Variants in PCDHA5 observed in about 807,000 individuals in gnomAD.
PCDHA5 encodes protocadherin alpha 5, also known as protocadherin alpha-5.
In PCDHA5, 43 loss-of-function variants were observed where a neutral mutation model predicts 61.6. The ratio of observed to expected loss-of-function variants is 0.70; its 90% CI spans 0.55 to 0.90. PCDHA5 has a LOEUF of 0.90. PCDHA5 is among the 40% of genes least tolerant of loss of function. The pLI is 0.00. For missense variants in PCDHA5, 1,298 were observed against 1,222.7 expected (o/e 1.06, Z -0.92); for synonymous variants, 627 against 543.9 (o/e 1.15, Z -2.13).
chr5:140,884,440 G>C (rs1554181563), intron 1 of PCDHA5: 5 of 1,613,830 alleles, frequency 3.1e-6, no homozygotes, highest in Non-Finnish European at 2.5e-6. Context: ...TGCGGTGCTC[G>C]GCACCGCCCA....
At chr5:140,849,745 G>T (rs2150447816) in intron 1 of PCDHA5, 1 of 1,598,462 alleles carries the variant, frequency 6.3e-7, no homozygotes, top group Admixed American at 1.7e-5. Context: ...GACCGCGAGA[G>T]TGTGTCCGCC....
intron 1 of PCDHA5, among the ~76,000 whole-genome samples, chr5:140,893,124 CA>C (rs2063834148): frequency 2.0e-5 from 3 of 152,298 alleles, no homozygotes; most frequent in Admixed American, 1.3e-4. Flanking sequence ...ATATACACCA[CA>C]TTTTCTTTAT....
At chr5:140,838,084 G>A (rs1419465245) in intron 1 of PCDHA5, among the ~76,000 whole-genome samples, 2 of 31,492 alleles carry the variant, frequency 6.4e-5, no homozygotes, top group East Asian at 1.1e-3. Context: ...TATAGTGTGT[G>A]TGTGTGTGTG....
Position 140,848,772 on chromosome 5 carries a change from G to A in PCDHA5, c.2352+24645G>A, listed in dbSNP as rs2150420106. ...GTTTGTGAATTCTCGGATCGACCGCGAGGAGCTGTGCGGGCGGAGCGCGGA... is the reference window on the plus strand; with the variant it reads ...GTTTGTGAATTCTCGGATCGACCGCAAGGAGCTGTGCGGGCGGAGCGCGGA... On this transcript the variant is annotated intron_variant, in intron 1 of 3. Coordinates refer to ENST00000529859, the MANE Select transcript of PCDHA5 (RefSeq NM_018908.3). 12 of 1,593,594 alleles carry A rather than the reference G, an allele frequency of 7.5e-6. 2 individuals carry two copies. Among genetic ancestry groups the A allele is most frequent in the Non-Finnish European group, 1.0e-5 (12 of 1,164,190 alleles).
chr5:140,841,896 T>C (rs2150325058), intron 1 of PCDHA5: 14 of 1,613,838 alleles, frequency 8.7e-6, no homozygotes, highest in Non-Finnish European at 1.0e-5. Flanking sequence ...AATAAACTGG[T>C]TGAGCTCGTA....
chr5:140,915,882 C>T lies in PCDHA5; in HGVS notation c.2353-63067C>T, dbSNP rs181276676. Among the ~76,000 whole-genome samples, 3 of 152,314 alleles carry T rather than the reference C, an allele frequency of 2.0e-5. No homozygotes were observed. In the East Asian group the frequency reaches 5.8e-4, roughly 29 times the overall value. ...GTTTGCATCCTTCCCTTTAGGGTAG[C>T]AAGTTCCCCCTGGCCCTGGGCAGGC... On this transcript the variant is annotated intron_variant, in intron 1 of 3. Coordinates refer to ENST00000529859, the MANE Select transcript of PCDHA5 (RefSeq NM_018908.3).
intron 1 of PCDHA5, among the ~76,000 whole-genome samples, chr5:140,976,378 C>T (rs908008970): frequency 6.6e-6 from 1 of 151,926 alleles, no homozygotes; most frequent in Admixed American, 6.6e-5. Context: ...TGGTGAAACC[C>T]CATCTCTACT....
rs138889909 is a variant in PCDHA5, at chr5:140,830,388, A to G, written c.2352+6261A>G. 2.8e-4 allele frequency: 444 copies of G among 1,614,182 alleles called. 2 individuals are homozygous for G. The highest frequency in any genetic ancestry group is 1.8e-3 in the Middle Eastern group (11 of 6,062). ...GTGTGCTCCGGGGAGGGCCCACCCA[A>G]GATGGATCTCATGGCCTTTAGCCCC... On this transcript the variant is annotated intron_variant, in intron 1 of 3. Coordinates refer to ENST00000529859, the MANE Select transcript of PCDHA5 (RefSeq NM_018908.3).
intron 1 of PCDHA5, among the ~76,000 whole-genome samples, chr5:140,914,496 C>A (rs782459538): frequency 1.2e-4 from 19 of 152,136 alleles, no homozygotes; most frequent in Non-Finnish European, 4.4e-5. Context: ...TTGTGGGCAA[C>A]AGATCATTGG....
At chr5:140,829,746 A>G (rs1255016400) in intron 1 of PCDHA5, 1 of 1,613,582 alleles carries the variant, frequency 6.2e-7, no homozygotes, top group Non-Finnish European at 8.5e-7. Flanking sequence ...GTGACGCTGC[A>G]GGTGTTCGTG....
intron 1 of PCDHA5, chr5:140,877,387 G>A: frequency 6.2e-7 from 1 of 1,614,010 alleles, no homozygotes; most frequent in Non-Finnish European, 8.5e-7. Flanking sequence ...CATCCTGGAT[G>A]AGGCGGACGC....
Position 140,857,808 on chromosome 5 carries a change from G to A in PCDHA5, c.2352+33681G>A. ...CTGGTGCTGCGGTCGGTGGTTGCGG[G>A]TCACGTGGTGGCTAAGGTGCGCGCA... On this transcript the variant is annotated intron_variant, in intron 1 of 3. Coordinates refer to ENST00000529859, the MANE Select transcript of PCDHA5 (RefSeq NM_018908.3). The A allele has an allele frequency of 4.4e-6, 7 of 1,597,848 alleles. 1 individual carries two copies. The highest frequency in any genetic ancestry group is 6.0e-6 in the Non-Finnish European group (7 of 1,167,652).
chr5:140,993,462 TCACACACACACACACACA>T (rs3836747), intron 3 of PCDHA5, among the ~76,000 whole-genome samples: 75 of 141,044 alleles, frequency 5.3e-4, no homozygotes, highest in African/African-American at 1.6e-3. Flanking sequence ...TCTTTCTTTC[TCACACACACACACACACA>T]CACACACACA....
intron 1 of PCDHA5, among the ~76,000 whole-genome samples, chr5:140,941,286 C>CTCTT (rs5871754): frequency 5.6e-5 from 6 of 106,818 alleles, no homozygotes; most frequent in African/African-American, 1.4e-4. Context: ...TCCTTCCTTT[C>CTCTT]TCTTTCTTTC....
At chr5:140,825,556 C>T (rs1158185749) in intron 1 of PCDHA5, 2 of 151,628 alleles carry the variant, frequency 1.3e-5, no homozygotes, top group African/African-American at 2.4e-5. Flanking sequence ...TCCCAAGTAG[C>T]TGGGATTACA....
At chr5:140,954,183 A>T (rs246025) in intron 1 of PCDHA5, among the ~76,000 whole-genome samples, 85,732 of 152,134 alleles carry the variant, frequency 0.56, 24,791 homozygotes, top group African/African-American at 0.69. Flanking sequence ...CCAGTCTATC[A>T]TTGATGGGCA....
intron 1 of PCDHA5, chr5:140,966,215 A>G (rs1554228144): frequency 4.1e-6 from 1 of 244,868 alleles, no homozygotes; most frequent in Non-Finnish European, 7.7e-6. Flanking sequence ...CTTTTCCCAG[A>G]CTAATCTCCT....
intron 1 of PCDHA5, chr5:140,850,280 C>G: frequency 6.3e-7 from 1 of 1,595,478 alleles, no homozygotes; most frequent in Non-Finnish European, 8.6e-7. Flanking sequence ...GGAAGGTGCG[C>G]GCAGTGGACG....
chr5:140,941,206 T>TCTTC (rs201128549), intron 1 of PCDHA5, among the ~76,000 whole-genome samples: 3,670 of 95,482 alleles, frequency 0.038, 169 homozygotes, highest in African/African-American at 0.16. Flanking sequence ...TTTCTTCCTT[T>TCTTC]CTTTCTTCCT....
Sources: gnomAD v4.1 joint callset for allele counts (sites outside exome capture counted in the v4.1 genomes callset) on GRCh38, gnomAD v4.1.1 for gene constraint, MANE v1.5 for transcripts, NCBI Gene and HGNC (gene_info 2026-07-23, HGNC 2026-07-21) for gene names.